Variants in STYX observed in about 807,000 individuals in gnomAD.
The protein encoded by STYX is serine/threonine/tyrosine-interacting protein.
In STYX, 20 loss-of-function variants were observed where a neutral mutation model predicts 42.7. The ratio of observed to expected loss-of-function variants is 0.47; its 90% CI spans 0.33 to 0.68. The LOEUF (loss-of-function observed/expected upper bound fraction) is 0.68, where lower values mean the gene tolerates loss of function less well. STYX is among the 30% of genes least tolerant of loss of function. STYX has a pLI of 0.02. For synonymous variants in STYX, 78 were observed against 81.9 expected, an observed-to-expected ratio of 0.95 and a Z score of 0.26; for missense variants, 226 against 268.5, an observed-to-expected ratio of 0.84 and a Z score of 1.11.
intron 9 of STYX, among the ~76,000 whole-genome samples, chr14:52,766,837 T>C (rs1465386067): frequency 6.6e-6 from 1 of 152,178 alleles, no homozygotes; most frequent in Non-Finnish European, 1.5e-5. Context: ...TATTTGCAGC[T>C]TTGTTCTTTT....
At position 52,774,838 on chromosome 14, in the gene STYX, T is replaced by C. The variant is rs1440498650; in HGVS notation, c.*3732T>C. The stretch of plus-strand genomic sequence containing the variant: ...TTGTATACACAATTGCTTAAGTTAC[T>C]CTGCTTTTAACATTTGTACTTGGAT... On this transcript the variant is annotated 3_prime_UTR_variant, in exon 11 of 11. Transcript: ENST00000354586. 1 of 152,212 alleles carries C rather than the reference T, an allele frequency of 6.6e-6. No individual in the cohort carries two copies. The highest frequency in any genetic ancestry group is 1.5e-5 in the Non-Finnish European group (1 of 68,030). 9.4% of individuals were successfully genotyped at this position (152,212 alleles called of 1,614,324 possible).
chr14:52,757,611 T>C, intron 6 of STYX, 132 bp from the exon 7 acceptor site: 2 of 868,568 alleles, frequency 2.3e-6, no homozygotes, highest in Non-Finnish European at 3.6e-6. Flanking sequence ...CAGTTGATAA[T>C]AACAAATTGT....
rs199554609 is a variant in STYX, at chr14:52,750,725, A to G, written c.187A>G (p.Ile63Val). 4.4e-4 allele frequency: 708 copies of G among 1,595,522 alleles called. No individual in the cohort carries two copies. Among genetic ancestry groups the G allele is most frequent in the Non-Finnish European group, 5.7e-4 (664 of 1,173,106 alleles). The change falls in exon 4 of 11, where the codon ATA becomes GTA. Residue 63 changes from isoleucine (I) to valine (V), a missense_variant. Transcript: ENST00000354586. ...QKHGITHIICIRQNIEANFIK... is the reference protein window; with the variant it reads ...QKHGITHIICVRQNIEANFIK... The stretch of plus-strand genomic sequence containing the variant: ...ACATGGAATAACCCATATAATATGC[A>G]TACGACAAAATATTGAAGCAAACTT...
At position 52,773,342 on chromosome 14, in the gene STYX, T is replaced by TA. The variant is rs796353415; in HGVS notation, c.*2236_*2237insA. The TA allele has an allele frequency of 4.0e-5, 3 of 75,946 alleles. No homozygotes were observed. Among genetic ancestry groups the TA allele is most frequent in the African/African-American group, 1.1e-4 (2 of 17,532 alleles). 4.7% of individuals were successfully genotyped at this position (75,946 alleles called of 1,614,324 possible). A position where few individuals can be genotyped will look rare whatever the true frequency, so the allele number is the denominator to read the frequency against. On this transcript the variant is annotated 3_prime_UTR_variant, in exon 11 of 11. Coordinates refer to ENST00000354586, the MANE Select transcript of STYX (RefSeq NM_145251.4). ...ATATATATATATATAGATAGATAGA[T>TA]TTTTTTTTTTTTTTGAGACAGAGTC...
At chr14:52,748,427 G>C (rs1881477138) in intron 3 of STYX, among the ~76,000 whole-genome samples, 1 of 152,106 alleles carries the variant, frequency 6.6e-6, no homozygotes, top group South Asian at 2.1e-4. Context: ...ATGGAGTCTG[G>C]CTATGCTGGC....
At chr14:52,759,466 T>C (rs1882008172) in intron 8 of STYX, among the ~76,000 whole-genome samples, 1 of 152,152 alleles carries the variant, frequency 6.6e-6, no homozygotes, top group Admixed American at 6.5e-5. Flanking sequence ...AGGTAGGTGT[T>C]ATTAGACTCT....
intron 9 of STYX, among the ~76,000 whole-genome samples, chr14:52,765,832 G>A (rs1340612117): frequency 6.6e-6 from 1 of 152,116 alleles, no homozygotes; most frequent in Non-Finnish European, 1.5e-5. Context: ...CTGTTGATCT[G>A]AGAGGAGGTG....
chr14:52,734,792 T>C (rs1156569234), intron 1 of STYX, among the ~76,000 whole-genome samples: 2 of 152,178 alleles, frequency 1.3e-5, no homozygotes, highest in Non-Finnish European at 2.9e-5. Context: ...CCGGGCGTGG[T>C]GGCTCACGCC....
chr14:52,765,667 C>T (rs1013573152), intron 9 of STYX, among the ~76,000 whole-genome samples: 10 of 152,160 alleles, frequency 6.6e-5, no homozygotes, highest in South Asian at 2.1e-4. Context: ...AATTTTTCCA[C>T]GGATGGGGTG....
intron 9 of STYX, among the ~76,000 whole-genome samples, chr14:52,765,526 T>G (rs1882267785): frequency 6.6e-6 from 1 of 152,196 alleles, no homozygotes; most frequent in Non-Finnish European, 1.5e-5. Context: ...CTAAATATTG[T>G]TTTAGAGAAG....
chr14:52,731,952 T>TC (rs1232765252), intron 1 of STYX, among the ~76,000 whole-genome samples: 1 of 148,156 alleles, frequency 6.7e-6, no homozygotes, highest in African/African-American at 2.5e-5. Context: ...AATTTTTCTT[T>TC]TTTTTTTTTT....
At chr14:52,739,698 A>G (rs954985154) in intron 1 of STYX, among the ~76,000 whole-genome samples, 5 of 130,374 alleles carry the variant, frequency 3.8e-5, no homozygotes, top group Non-Finnish European at 7.7e-5. Context: ...CTGGAGTGCA[A>G]TGGCACCATG....
chr14:52,739,267 A>T (rs553345592), intron 1 of STYX, among the ~76,000 whole-genome samples: 1 of 152,254 alleles, frequency 6.6e-6, no homozygotes, highest in East Asian at 1.9e-4. Context: ...CTTGCCTTAC[A>T]CAAGTATTTC....
intron 10 of STYX, among the ~76,000 whole-genome samples, chr14:52,770,024 C>T (rs1882452138): frequency 6.6e-6 from 1 of 151,980 alleles, no homozygotes; most frequent in African/African-American, 2.4e-5. Flanking sequence ...TTCTTTTCCC[C>T]ACCTAAAATG....
chr14:52,730,258 T>G lies in STYX; in HGVS notation c.-217T>G. On this transcript the variant is annotated 5_prime_UTR_variant, in exon 1 of 11. Coordinates refer to ENST00000354586, the MANE Select transcript of STYX (RefSeq NM_145251.4). Reference sequence around the variant, plus strand: ...AGACGGCAGCGGCATGGCGGCCGGGTGTAAGACGCCCGACCCTCCTCTTCC... The same window carrying G: ...AGACGGCAGCGGCATGGCGGCCGGGGGTAAGACGCCCGACCCTCCTCTTCC... 1.7e-6 allele frequency: 1 copy of G among 577,080 alleles called. No homozygotes were observed. Among genetic ancestry groups the G allele is most frequent in the Non-Finnish European group, 3.1e-6 (1 of 323,152 alleles). The allele number at this position is 577,080 out of a possible 1,614,324, so 35.7% of individuals were successfully genotyped here.
Position 52,771,018 on chromosome 14 carries a change from T to C in STYX, c.599-15T>C, listed in dbSNP as rs759466050. 2.2e-5 allele frequency: 36 copies of C among 1,610,206 alleles called. No homozygotes were observed. Among genetic ancestry groups the C allele is most frequent in the South Asian group, 6.6e-5 (6 of 90,372 alleles). On this transcript the variant is annotated splice_polypyrimidine_tract_variant and intron_variant, in intron 10 of 10. Coordinates refer to ENST00000354586, the MANE Select transcript of STYX (RefSeq NM_145251.4). ...TATTTTAGTGCCCTTTTAATCTTCA[T>C]GCAATAACTTTTAGGCAGTTTGAAG...
chr14:52,744,412 C>A (rs1254973), intron 1 of STYX, among the ~76,000 whole-genome samples: 74,317 of 151,974 alleles, frequency 0.49, 18,266 homozygotes, highest in Middle Eastern at 0.57. Context: ...CTTCTTTTAT[C>A]CATTTCAGAT....
At chr14:52,768,342 T>TGTAAA (rs1882388299) in intron 9 of STYX, among the ~76,000 whole-genome samples, 1 of 152,232 alleles carries the variant, frequency 6.6e-6, no homozygotes, top group South Asian at 2.1e-4. Flanking sequence ...TTTCTCCCTC[T>TGTAAA]GTAAAGTAAC....
intron 4 of STYX, among the ~76,000 whole-genome samples, chr14:52,753,896 T>TTA: frequency 1.0e-5 from 1 of 99,742 alleles, no homozygotes; most frequent in Non-Finnish European, 2.0e-5. Context: ...ACACTGATTT[T>TTA]TTTTTTTTTT....
Sources: allele counts gnomAD v4.1 joint callset (sites outside exome capture counted in the v4.1 genomes callset), GRCh38; gene constraint gnomAD v4.1.1; transcripts MANE v1.5; gene names NCBI Gene and HGNC (gene_info 2026-07-23, HGNC 2026-07-21).